The following PCLO variants were observed in gnomAD, a reference collection of about 807,000 sequenced individuals.
PCLO encodes the protein protein piccolo.
In PCLO, 82 loss-of-function variants were observed where a neutral mutation model predicts 427.5. That is an observed-to-expected ratio of 0.19 (90% confidence interval 0.16 to 0.23). The LOEUF (loss-of-function observed/expected upper bound fraction) is 0.23, where lower values mean the gene tolerates loss of function less well. Ranked by LOEUF, PCLO falls within the 10% of genes least tolerant of loss-of-function variation. The pLI, the probability that PCLO is intolerant of heterozygous loss-of-function variation, is 1.00. For synonymous variants in PCLO, 2,357 were observed against 2,155.4 expected (o/e 1.09, Z -2.59); for missense variants, 6,239 against 6,115.9 (o/e 1.02, Z -0.67).
At chr7:83,093,490 A>ATTT (rs1339244676) in intron 3 of PCLO, among the ~76,000 whole-genome samples, 5 of 66,000 alleles carry the variant, frequency 7.6e-5, no homozygotes, top group Admixed American at 2.2e-4. Flanking sequence ...ATATATATAT[A>ATTT]TATTTTTTTT....
intron 22 of PCLO, among the ~76,000 whole-genome samples, chr7:82,773,458 C>T (rs975574835): frequency 4.6e-5 from 7 of 152,126 alleles, no homozygotes; most frequent in South Asian, 2.1e-4. Flanking sequence ...AGGTTACTTG[C>T]ATCATTTCTC....
At chr7:82,776,828 C>A (rs6955714) in intron 22 of PCLO, among the ~76,000 whole-genome samples, 67,450 of 123,022 alleles carry the variant, frequency 0.55, 15,514 homozygotes, top group African/African-American at 0.59. Flanking sequence ...CTCTCTCTCT[C>A]TATATATACA....
chr7:82,905,025 A>G (rs1441323813), intron 8 of PCLO, among the ~76,000 whole-genome samples: 1 of 152,052 alleles, frequency 6.6e-6, no homozygotes, highest in Non-Finnish European at 1.5e-5. Flanking sequence ...ACAGAGGGTG[A>G]ATGTTGAGAG....
At chr7:82,782,000 T>C (rs1474532336) in intron 22 of PCLO, among the ~76,000 whole-genome samples, 1 of 152,220 alleles carries the variant, frequency 6.6e-6, no homozygotes, top group African/African-American at 2.4e-5. Flanking sequence ...AAGGTTTCCC[T>C]GAGTTCTGTG....
At chr7:82,780,911 C>T (rs890437285) in intron 22 of PCLO, among the ~76,000 whole-genome samples, 2 of 152,074 alleles carry the variant, frequency 1.3e-5, no homozygotes, top group African/African-American at 2.4e-5. Context: ...GTTGAGAGTA[C>T]ACCATTTGAT....
intron 10 of PCLO, among the ~76,000 whole-genome samples, chr7:82,850,035 G>A (rs1562817471): frequency 6.6e-6 from 1 of 151,862 alleles, no homozygotes; most frequent in Non-Finnish European, 1.5e-5. Context: ...TTGAGACAGG[G>A]TCTTGCACTA....
intron 3 of PCLO, among the ~76,000 whole-genome samples, chr7:82,969,944 T>C (rs889977504): frequency 6.6e-6 from 1 of 152,120 alleles, no homozygotes; most frequent in African/African-American, 2.4e-5. Context: ...CCCAAAAATA[T>C]GTCTTGTCAC....
intron 6 of PCLO, among the ~76,000 whole-genome samples, chr7:82,932,897 T>C (rs1229161518): frequency 6.6e-6 from 1 of 152,116 alleles, no homozygotes; most frequent in East Asian, 1.9e-4. Flanking sequence ...AATAGAAAAC[T>C]AATATGCTCA....
intron 1 of PCLO, among the ~76,000 whole-genome samples, chr7:83,158,918 C>T (rs945132050): frequency 2.6e-5 from 4 of 151,886 alleles, no homozygotes; most frequent in Admixed American, 6.6e-5. Context: ...CAAACAAAAA[C>T]GTAAAGGTGC....
At chr7:83,002,895 A>G (rs1480950365) in intron 3 of PCLO, among the ~76,000 whole-genome samples, 1 of 151,730 alleles carries the variant, frequency 6.6e-6, no homozygotes, top group Non-Finnish European at 1.5e-5. Flanking sequence ...AAAAATAACA[A>G]TATTAACATA....
intron 4 of PCLO, among the ~76,000 whole-genome samples, chr7:82,962,933 C>T (rs1326891596): frequency 1.3e-5 from 2 of 151,892 alleles, no homozygotes; most frequent in African/African-American, 4.8e-5. Flanking sequence ...GACCATGACA[C>T]AGATATTTAC....
intron 3 of PCLO, among the ~76,000 whole-genome samples, chr7:82,987,406 T>C (rs894287192): frequency 1.3e-5 from 2 of 151,934 alleles, no homozygotes; most frequent in African/African-American, 4.8e-5. Context: ...ATAAATGGGG[T>C]AATACTGTGT....
rs377309808 is a variant in PCLO, at chr7:83,155,627, T to A, written c.1014A>T (p.Leu338=). The change falls in exon 2 of 25, where the codon CTA becomes CTT. Residue 338 remains leucine, a synonymous_variant. Coordinates refer to ENST00000333891, the MANE Select transcript of PCLO (RefSeq NM_033026.6). ...PAKPPAQPSG[L]TKPLAQQPGT... ...CTGGTTGTTGAGCCAATGGCTTTGT[T>A]AGCCCTGAGGGCTGAGCTGGGGGCT... is the stretch of plus-strand genomic sequence containing the variant. 6.2e-7 allele frequency: 1 copy of A among 1,613,616 alleles called. No individual in the cohort carries two copies. Among genetic ancestry groups the A allele is most frequent in the African/African-American group, 1.3e-5 (1 of 74,846 alleles).
intron 10 of PCLO, among the ~76,000 whole-genome samples, chr7:82,854,808 T>A (rs927986230): frequency 2.6e-5 from 4 of 152,182 alleles, no homozygotes; most frequent in African/African-American, 9.6e-5. Flanking sequence ...TTGGACAATT[T>A]ACTTTCCATG....
At chr7:83,123,033 A>G (rs1310703075) in intron 3 of PCLO, among the ~76,000 whole-genome samples, 1 of 152,196 alleles carries the variant, frequency 6.6e-6, no homozygotes, top group Non-Finnish European at 1.5e-5. Context: ...AGAAGAATTA[A>G]TATTGTTAAA....
chr7:83,133,092 C>T (rs947285673), intron 3 of PCLO, among the ~76,000 whole-genome samples: 3 of 151,914 alleles, frequency 2.0e-5, no homozygotes, highest in Non-Finnish European at 4.4e-5. Context: ...ACAACATTTT[C>T]ATACAGTGTT....
At chr7:82,782,760 G>T (rs76861235) in intron 22 of PCLO, among the ~76,000 whole-genome samples, 1 of 152,108 alleles carries the variant, frequency 6.6e-6, no homozygotes, top group African/African-American at 2.4e-5. Flanking sequence ...CTCTTCTAAA[G>T]TTTCCATAAT....
chr7:82,952,539 C>A lies in PCLO; in HGVS notation c.8414G>T (p.Ser2805Ile). The A allele has an allele frequency of 6.2e-7, 1 of 1,613,946 alleles. No homozygotes were observed. Among genetic ancestry groups the A allele is most frequent in the Non-Finnish European group, 8.5e-7 (1 of 1,179,866 alleles). Residue 2805 changes from serine (S) to isoleucine (I), a missense_variant, in exon 5 of 25, where the codon AGT becomes ATT. Physicochemically the swap from Ser to Ile is moderately radical, Grantham distance 142. Coordinates refer to ENST00000333891, the MANE Select transcript of PCLO (RefSeq NM_033026.6). ...TAGGCTTTCTGTGCCTGTAGTGTAA[C>A]TTGCACTAGCTGTGCATGTGACAAA... ...VTFVTCTASASYTTGTESLVG... is the reference protein window; with the variant it reads ...VTFVTCTASAIYTTGTESLVG...
chr7:82,809,685 A>G (rs1791528959), intron 20 of PCLO, among the ~76,000 whole-genome samples: 1 of 151,616 alleles, frequency 6.6e-6, no homozygotes, highest in South Asian at 2.1e-4. Context: ...TTCACTTTTT[A>G]AATCAAGCTT....
Sources: allele counts gnomAD v4.1 joint callset (sites outside exome capture counted in the v4.1 genomes callset), GRCh38; gene constraint gnomAD v4.1.1; transcripts MANE v1.5; gene names NCBI Gene and HGNC (gene_info 2026-07-23, HGNC 2026-07-21).